CSNK2A1: variants seen among roughly 807,000 people sequenced by gnomAD.
CSNK2A1 encodes casein kinase 2 alpha 1, also known as casein kinase II subunit alpha.
A neutral mutation model predicts 62.9 loss-of-function variants in CSNK2A1; 10 were observed. That is an observed-to-expected ratio of 0.16 (90% CI 0.10 to 0.27). The LOEUF (loss-of-function observed/expected upper bound fraction) is 0.27. CSNK2A1 is among the 10% of genes least tolerant of loss of function. CSNK2A1 has a pLI of 1.00. For missense variants in CSNK2A1, 160 were observed against 492.0 expected, an observed-to-expected ratio of 0.33 and a Z score of 6.38; for synonymous variants, 124 against 167.8, an observed-to-expected ratio of 0.74 and a Z score of 2.02.
intron 4 of CSNK2A1, 78 bp from the exon 5 acceptor site, chr20:500,012 T>A: frequency 9.2e-7 from 1 of 1,081,382 alleles, no homozygotes; most frequent in Non-Finnish European, 1.4e-6. Flanking sequence ...GTGTAATACA[T>A]AAATGATAAA....
Position 499,476 on chromosome 20 carries a change from T to C in CSNK2A1, c.316-171A>G. On this transcript the variant is annotated intron_variant, in intron 5 of 13. Transcript: ENST00000217244. This position sits in a 1 kb window ranked among gnomAD's most constrained non-coding sequence, Gnocchi z 4.2. ...CGCTCTGATCATCACCGCACTTAGG[T>C]CATTTTTGGGATGGATTTCAAACAG... 1 of 571,330 alleles carries C rather than the reference T, an allele frequency of 1.8e-6. No individual in the cohort carries two copies. Among genetic ancestry groups the C allele is most frequent in the Middle Eastern group, 3.0e-4 (1 of 3,286 alleles). The allele number at this position is 571,330 out of a possible 1,614,324, so 35.4% of individuals were successfully genotyped here.
chr20:537,496 G>GA (rs33977111), intron 1 of CSNK2A1, among the ~76,000 whole-genome samples: 6,788 of 144,588 alleles, frequency 0.047, 456 homozygotes, highest in African/African-American at 0.15. Context: ...TTCTACATGT[G>GA]AAAAAAAAAA....
At chr20:500,120 C>A in intron 4 of CSNK2A1, 186 bp from the exon 5 acceptor site, 1 of 550,596 alleles carries the variant, frequency 1.8e-6, no homozygotes, top group Non-Finnish European at 3.2e-6. Flanking sequence ...CAGGTACTTA[C>A]AAATGTTGAA....
chr20:523,349 T>G (rs2018989672), intron 2 of CSNK2A1, among the ~76,000 whole-genome samples: 2 of 152,222 alleles, frequency 1.3e-5, no homozygotes, highest in South Asian at 4.1e-4. Flanking sequence ...GCCTATAATG[T>G]TATGTTCACA....
rs1162870592 is a variant in CSNK2A1, at chr20:485,112, AT to A, written c.1061-1037del. Among the ~76,000 whole-genome samples the A allele has an allele frequency of 2.6e-3, 106 of 40,426 alleles. 5 individuals are homozygous for A. Among genetic ancestry groups the A allele is most frequent in the African/African-American group, 9.2e-3 (94 of 10,198 alleles). The allele number at this position is 40,426 out of a possible 152,430, so 26.5% of individuals were successfully genotyped here. A position where few individuals can be genotyped will look rare whatever the true frequency, so the allele number is the denominator to read the frequency against. ...AAAAAAAAAAAAAAAAAAAAAAAAT[AT>A]ATATATATATATATATATATATATG... On this transcript the variant is annotated intron_variant, in intron 13 of 13. Transcript: ENST00000217244.
In CSNK2A1 at chr20:499,979, T is replaced by C; in HGVS notation, c.214-45A>G. ...TCAGCAAAAAAAAAAAAAAAAAATT[T>C]TTTCAGAGTATTTCAACACGTAGTG... On this transcript the variant is annotated intron_variant, in intron 4 of 13. Transcript: ENST00000217244. The surrounding 1 kb of genome is among the most constrained non-coding windows in gnomAD (Gnocchi z 4.2). The C allele has an allele frequency of 7.6e-7, 1 of 1,311,838 alleles. No individual in the cohort carries two copies. Among genetic ancestry groups the C allele is most frequent in the Non-Finnish European group, 1.1e-6 (1 of 915,948 alleles). 81.3% of individuals were successfully genotyped at this position (1,311,838 alleles called of 1,614,324 possible). A position where few individuals can be genotyped will look rare whatever the true frequency, so the allele number is the denominator to read the frequency against.
intron 2 of CSNK2A1, among the ~76,000 whole-genome samples, chr20:525,485 T>G (rs533503026): frequency 6.6e-6 from 1 of 151,444 alleles, no homozygotes; most frequent in Non-Finnish European, 1.5e-5. Flanking sequence ...ACCCCGTCTC[T>G]ACTAAAAATA....
In CSNK2A1 at chr20:499,801, T is replaced by G; in HGVS notation, c.315+32A>C. 1 of 1,603,854 alleles carries G rather than the reference T, an allele frequency of 6.2e-7. No homozygotes were observed. The highest frequency in any genetic ancestry group is 8.5e-7 in the Non-Finnish European group (1 of 1,172,318). The stretch of plus-strand genomic sequence containing the variant: ...TCCAGGTCAAACACCATCTCAGCTC[T>G]GGCGGGCCTTGCTAACACCTACTAT... On this transcript the variant is annotated intron_variant, in intron 5 of 13. Transcript: ENST00000217244. The surrounding 1 kb of genome is among the most constrained non-coding windows in gnomAD (Gnocchi z 4.2).
At chr20:496,718 C>T (rs905455022) in intron 7 of CSNK2A1, 2 of 152,214 alleles carry the variant, frequency 1.3e-5, no homozygotes, top group African/African-American at 4.8e-5. Flanking sequence ...TATGTCAACT[C>T]TTGTTTAGTA....
intron 1 of CSNK2A1, among the ~76,000 whole-genome samples, chr20:540,169 G>A (rs2019418523): frequency 6.6e-6 from 1 of 152,158 alleles, no homozygotes; most frequent in Non-Finnish European, 1.5e-5. Context: ...AATTTGGGGG[G>A]TCCAACAGCC....
chr20:517,653 A>G (rs1450235574), intron 2 of CSNK2A1, among the ~76,000 whole-genome samples: 1 of 152,246 alleles, frequency 6.6e-6, no homozygotes, highest in Non-Finnish European at 1.5e-5. Context: ...TTCAGATGGA[A>G]AACATTAAAA....
chr20:502,387 G>A (rs1324658766), intron 4 of CSNK2A1: 5 of 151,566 alleles, frequency 3.3e-5, no homozygotes, highest in Non-Finnish European at 5.9e-5. Context: ...CCAACTGCTG[G>A]TTTTTTAGTG....
chr20:489,444 C>T (rs1487439549), intron 10 of CSNK2A1: 1 of 352,166 alleles, frequency 2.8e-6, no homozygotes, highest in African/African-American at 2.1e-5. Context: ...ATATAAAGAG[C>T]CAAAAGGATC....
chr20:486,594 G>A, intron 12 of CSNK2A1, 132 bp from the exon 13 acceptor site: 1 of 862,866 alleles, frequency 1.2e-6, no homozygotes, highest in Admixed American at 3.3e-5. Context: ...AAGAACTTAA[G>A]GTGGCAATTG....
In CSNK2A1 at chr20:480,241, TGTGTGTGTGTGTGTGTGGGTGGGTGG is replaced by T. The variant is rs2017930249; in HGVS notation, c.*3694_*3719del. ...ACAATACTTCCATTTACTTTGTGTGTGTGTGTGTGTGTGTGTGGGTGGGTGGGTGTGTGTGTGTAGGGAGAGAAAGG... is the reference window on the plus strand; with the variant it reads ...ACAATACTTCCATTTACTTTGTGTGTGTGTGTGTGTGTAGGGAGAGAAAGG... On this transcript the variant is annotated 3_prime_UTR_variant, in exon 14 of 14. Coordinates refer to ENST00000217244, the MANE Select transcript of CSNK2A1 (RefSeq NM_177559.3). 6.6e-6 allele frequency: 1 copy of T among 150,934 alleles called. No individual in the cohort carries two copies. The highest frequency in any genetic ancestry group is 6.6e-5 in the Admixed American group (1 of 15,206). The allele number at this position is 150,934 out of a possible 1,614,324, so 9.3% of individuals were successfully genotyped here. A position where few individuals can be genotyped will look rare whatever the true frequency, so the allele number is the denominator to read the frequency against.
chr20:512,971 ACT>A (rs1185991501), intron 2 of CSNK2A1, among the ~76,000 whole-genome samples: 9 of 152,130 alleles, frequency 5.9e-5, no homozygotes, highest in African/African-American at 2.2e-4. Context: ...AGGATTGGTG[ACT>A]CTGTGACTAC....
chr20:487,623 A>C (rs1326099144), intron 11 of CSNK2A1, 48 bp from the exon 12 acceptor site: 1 of 1,612,112 alleles, frequency 6.2e-7, no homozygotes, highest in Non-Finnish European at 8.5e-7. Context: ...TGGGCACAGA[A>C]GCCCAACATT....
intron 13 of CSNK2A1, among the ~76,000 whole-genome samples, chr20:485,334 G>A (rs1028455865): frequency 6.6e-6 from 1 of 151,052 alleles, no homozygotes; most frequent in Admixed American, 6.6e-5. Context: ...AGGCGCCGCC[G>A]CCACGCCCAG....
intron 1 of CSNK2A1, among the ~76,000 whole-genome samples, chr20:538,350 A>G (rs1337433941): frequency 6.6e-6 from 1 of 152,168 alleles, no homozygotes; most frequent in Non-Finnish European, 1.5e-5. Flanking sequence ...ATCTTAGTAG[A>G]CCAGTTAACA....
Sources: gnomAD v4.1 joint callset for allele counts (sites outside exome capture counted in the v4.1 genomes callset) on GRCh38, gnomAD v4.1.1 for gene constraint, Gnocchi (gnomAD v3.1) non-coding constraint, MANE v1.5 for transcripts, NCBI Gene and HGNC (gene_info 2026-07-23, HGNC 2026-07-21) for gene names.